Variants in IMMP2L observed in about 807,000 individuals in gnomAD.
IMMP2L encodes the protein mitochondrial inner membrane protease subunit 2.
A neutral mutation model predicts 19.3 loss-of-function variants in IMMP2L; 18 were observed. The ratio of observed to expected loss-of-function variants is 0.93; its 90% CI spans 0.64 to 1.38. The LOEUF (loss-of-function observed/expected upper bound fraction) is 1.38, where lower values mean the gene tolerates loss of function less well. Among genes scored for constraint, IMMP2L ranks in the 40% most tolerant of loss-of-function variants. IMMP2L has a pLI of 0.00. For synonymous variants in IMMP2L, 76 were observed against 73.0 expected, an observed-to-expected ratio of 1.04 and a Z score of -0.21; for missense variants, 233 against 218.2, an observed-to-expected ratio of 1.07 and a Z score of -0.43.
chr7:111,085,277 T>C (rs1796219966), intron 3 of IMMP2L, among the ~76,000 whole-genome samples: 1 of 152,212 alleles, frequency 6.6e-6, no homozygotes, highest in Non-Finnish European at 1.5e-5. Flanking sequence ...AGTAATGGGA[T>C]TGCTGAGTCA....
chr7:110,705,641 C>T (rs908880417), intron 5 of IMMP2L, among the ~76,000 whole-genome samples: 1 of 151,878 alleles, frequency 6.6e-6, no homozygotes. Context: ...GGGTGTATTG[C>T]ATGATGCTGA....
intron 3 of IMMP2L, among the ~76,000 whole-genome samples, chr7:111,376,272 A>C (rs530315506): frequency 2.0e-5 from 3 of 152,290 alleles, no homozygotes; most frequent in Admixed American, 1.3e-4. Context: ...CATTAACTTA[A>C]AATACATATG....
At chr7:110,825,194 AAC>A (rs1358844834) in intron 5 of IMMP2L, among the ~76,000 whole-genome samples, 1 of 152,186 alleles carries the variant, frequency 6.6e-6, no homozygotes, top group East Asian at 1.9e-4. Flanking sequence ...AGAGGACTCA[AAC>A]AAATGGAAGA....
At position 110,932,540 on chromosome 7, in the gene IMMP2L, G is replaced by A. The variant is rs185900887; in HGVS notation, c.305+30960C>T. 2.6e-3 allele frequency among the ~76,000 whole-genome samples: 398 copies of A among 152,108 alleles called. 1 individual carries two copies. The highest frequency in any genetic ancestry group is 9.2e-3 in the African/African-American group (382 of 41,518). On this transcript the variant is annotated intron_variant, in intron 4 of 5. Coordinates refer to ENST00000405709, the MANE Select transcript of IMMP2L (RefSeq NM_032549.4). ...GGTGATTTTTTTGTATTTTTAAGTAGAGACGGGGTTTCACCATGTTAGCCA... is the reference window on the plus strand; with the variant it reads ...GGTGATTTTTTTGTATTTTTAAGTAAAGACGGGGTTTCACCATGTTAGCCA...
At chr7:111,427,164 G>T (rs1321263157) in intron 3 of IMMP2L, among the ~76,000 whole-genome samples, 1 of 151,666 alleles carries the variant, frequency 6.6e-6, no homozygotes. Context: ...TCTGTTAGTG[G>T]CTGAGGATAG....
chr7:111,276,235 T>C (rs141965535), intron 3 of IMMP2L, among the ~76,000 whole-genome samples: 260 of 152,256 alleles, frequency 1.7e-3, no homozygotes, highest in African/African-American at 5.1e-3. Flanking sequence ...TCTGTGTCTG[T>C]AATGTATCAG....
chr7:110,900,068 C>A (rs1406010503), intron 4 of IMMP2L, among the ~76,000 whole-genome samples: 2 of 152,070 alleles, frequency 1.3e-5, no homozygotes, highest in East Asian at 1.9e-4. Context: ...TTAAATGTAA[C>A]CCCAAATAAT....
intron 3 of IMMP2L, among the ~76,000 whole-genome samples, chr7:111,161,661 T>C (rs1805276347): frequency 6.6e-6 from 1 of 151,936 alleles, no homozygotes; most frequent in South Asian, 2.1e-4. Flanking sequence ...AGCACATTCC[T>C]CAAAATTCAA....
chr7:111,318,556 A>G (rs1395714612), intron 3 of IMMP2L, among the ~76,000 whole-genome samples: 1 of 152,130 alleles, frequency 6.6e-6, no homozygotes, highest in Admixed American at 6.6e-5. Flanking sequence ...AACCCTAGAC[A>G]AAAGTAATTA....
chr7:111,131,298 G>A (rs1042420940), intron 3 of IMMP2L, among the ~76,000 whole-genome samples: 3 of 152,032 alleles, frequency 2.0e-5, no homozygotes, highest in African/African-American at 4.8e-5. Flanking sequence ...AGTGGATTAT[G>A]TGTGCCACAG....
rs904048556 is a variant in IMMP2L at position 111,367,202 on chromosome 7, T to G, written c.239+120036A>C. ...CATATATTCCTGTGTGGGTAAAATA[T>G]TACGTTAGGAAATATTACATCAGAA... is the stretch of plus-strand genomic sequence containing the variant. On this transcript the variant is annotated intron_variant, in intron 3 of 5. Coordinates refer to ENST00000405709, the MANE Select transcript of IMMP2L (RefSeq NM_032549.4). Among the ~76,000 whole-genome samples, 17 of 151,188 alleles carry G rather than the reference T, an allele frequency of 1.1e-4. No homozygotes were observed. The East Asian group carries it at 3.3e-3, about 29-fold the overall frequency.
Position 110,766,815 on chromosome 7 carries a change from G to A in IMMP2L, c.409-103094C>T, listed in dbSNP as rs191974494. 1.3e-3 allele frequency among the ~76,000 whole-genome samples: 205 copies of A among 152,096 alleles called. 2 individuals are homozygous for A. The highest frequency in any genetic ancestry group is 4.5e-3 in the African/African-American group (186 of 41,514). On this transcript the variant is annotated intron_variant, in intron 5 of 5. Coordinates refer to ENST00000405709, the MANE Select transcript of IMMP2L (RefSeq NM_032549.4). The stretch of plus-strand genomic sequence containing the variant: ...GTCTCTCTACACAGAAGGCAGAAAC[G>A]TAACTGATTAGAGATTCTGATGAAT...
At chr7:111,504,994 CT>C (rs1301355998) in intron 2 of IMMP2L, among the ~76,000 whole-genome samples, 1 of 152,076 alleles carries the variant, frequency 6.6e-6, no homozygotes, top group African/African-American at 2.4e-5. Flanking sequence ...AACTAAAGAG[CT>C]TCTGCACAGC....
At chr7:110,815,957 C>CAAGG in intron 5 of IMMP2L, among the ~76,000 whole-genome samples, 1 of 152,068 alleles carries the variant, frequency 6.6e-6, no homozygotes, top group Non-Finnish European at 1.5e-5. Context: ...TTTTGTGTCT[C>CAAGG]TATTTCCTTC....
At chr7:111,438,595 G>A (rs1837421049) in intron 3 of IMMP2L, among the ~76,000 whole-genome samples, 1 of 151,800 alleles carries the variant, frequency 6.6e-6, no homozygotes, top group Non-Finnish European at 1.5e-5. Context: ...TTCACACAAA[G>A]CTGTGTTGTT....
chr7:110,844,944 C>T (rs1265327057), intron 5 of IMMP2L, among the ~76,000 whole-genome samples: 4 of 151,982 alleles, frequency 2.6e-5, no homozygotes, highest in Non-Finnish European at 4.4e-5. Context: ...GAAAAAGAGT[C>T]CCAGGCACAA....
chr7:110,785,743 A>C (rs1474295938), intron 5 of IMMP2L, among the ~76,000 whole-genome samples: 1 of 151,978 alleles, frequency 6.6e-6, no homozygotes, highest in African/African-American at 2.4e-5. Flanking sequence ...GTTTGATCTG[A>C]TCAACAGGCT....
chr7:110,911,500 T>A (rs2129548396), intron 4 of IMMP2L, among the ~76,000 whole-genome samples: 1 of 152,282 alleles, frequency 6.6e-6, no homozygotes, highest in South Asian at 2.1e-4. Flanking sequence ...GGCTTGTCTT[T>A]GTTTAAATAG....
intron 3 of IMMP2L, among the ~76,000 whole-genome samples, chr7:110,999,560 T>A (rs1328568457): frequency 6.6e-6 from 1 of 151,844 alleles, no homozygotes. Context: ...AATTCTTGTT[T>A]TATGGATACA....
Sources: gnomAD v4.1 joint callset for allele counts (sites outside exome capture counted in the v4.1 genomes callset) on GRCh38, gnomAD v4.1.1 for gene constraint, MANE v1.5 for transcripts, NCBI Gene and HGNC (gene_info 2026-07-23, HGNC 2026-07-21) for gene names.